Variants in HPSE2 observed in about 807,000 individuals in gnomAD.
The protein encoded by HPSE2 is heparanase 2 (inactive), also known as inactive heparanase-2.
Under a neutral mutation model 60.5 loss-of-function variants are expected in HPSE2, and 38 were observed. That is an observed-to-expected ratio of 0.63 (90% confidence interval 0.48 to 0.82). The LOEUF (loss-of-function observed/expected upper bound fraction) is 0.82. Among genes scored for constraint, HPSE2 ranks in the 40% least tolerant of loss-of-function variants. The probability of loss-of-function intolerance (pLI) is 0.00; values close to 1 mark genes in which losing one functional copy is unlikely to be tolerated. For synonymous variants in HPSE2, 295 were observed against 293.2 expected, an observed-to-expected ratio of 1.01 and a Z score of -0.06; for missense variants, 713 against 740.4, an observed-to-expected ratio of 0.96 and a Z score of 0.43.
At chr10:98,534,694 C>T (rs1014070264) in intron 9 of HPSE2, among the ~76,000 whole-genome samples, 7 of 152,186 alleles carry the variant, frequency 4.6e-5, no homozygotes, top group African/African-American at 9.6e-5. Flanking sequence ...CATGAACCAC[C>T]GTACCCAGCC....
chr10:99,022,467 C>G (rs1279834133), intron 3 of HPSE2, among the ~76,000 whole-genome samples: 1 of 152,100 alleles, frequency 6.6e-6, no homozygotes, highest in Admixed American at 6.5e-5. Flanking sequence ...AAACTAGGCC[C>G]AGACACAGTG....
At chr10:99,284,499 C>T in the HPSE2 span, among the ~76,000 whole-genome samples, 1 of 152,112 alleles carries the variant, frequency 6.6e-6, no homozygotes, top group Non-Finnish European at 1.5e-5. Context: ...TGATCAAAGA[C>T]CTAAAATTAA....
At chr10:99,002,880 A>G (rs2487882) in intron 3 of HPSE2, among the ~76,000 whole-genome samples, 5 of 151,992 alleles carry the variant, frequency 3.3e-5, no homozygotes, top group African/African-American at 9.7e-5. Flanking sequence ...TCACATACCT[A>G]TCTTTTTTGT....
At chr10:99,145,530 A>T (rs553634901) in intron 2 of HPSE2, among the ~76,000 whole-genome samples, 82 of 152,154 alleles carry the variant, frequency 5.4e-4, no homozygotes, top group African/African-American at 1.8e-3. Flanking sequence ...TTATTTATTA[A>T]TTTTTTACAA....
chr10:98,983,137 C>T (rs952828107), intron 3 of HPSE2, among the ~76,000 whole-genome samples: 11 of 152,190 alleles, frequency 7.2e-5, no homozygotes, highest in East Asian at 3.9e-4. Flanking sequence ...AACTGGAAGG[C>T]AGGGGATGGT....
At chr10:99,188,409 C>T (rs375713014) in intron 2 of HPSE2, among the ~76,000 whole-genome samples, 12 of 152,178 alleles carry the variant, frequency 7.9e-5, no homozygotes, top group African/African-American at 2.9e-4. Context: ...TAAAAATTGG[C>T]AAATTTTACC....
intron 2 of HPSE2, among the ~76,000 whole-genome samples, chr10:99,202,203 TATACTC>T (rs1281313921): frequency 2.6e-5 from 4 of 152,312 alleles, no homozygotes; most frequent in Non-Finnish European, 5.9e-5. Context: ...AACACCATGA[TATACTC>T]AAGAGCAGAG....
At chr10:98,807,178 T>C (rs1422853768) in intron 3 of HPSE2, among the ~76,000 whole-genome samples, 1 of 152,126 alleles carries the variant, frequency 6.6e-6, no homozygotes, top group Non-Finnish European at 1.5e-5. Context: ...TTAATGAATC[T>C]CAAATACGCA....
chr10:98,985,694 G>A (rs1220407242), intron 3 of HPSE2, among the ~76,000 whole-genome samples: 1 of 152,076 alleles, frequency 6.6e-6, no homozygotes, highest in African/African-American at 2.4e-5. Flanking sequence ...GACACAGACT[G>A]GCAAATTGGA....
intron 3 of HPSE2, among the ~76,000 whole-genome samples, chr10:98,998,693 G>T (rs532453267): frequency 6.6e-6 from 1 of 152,256 alleles, no homozygotes; most frequent in South Asian, 2.1e-4. Flanking sequence ...TTTGTATCTT[G>T]AATTTCCATG....
chr10:99,296,095 T>G, the HPSE2 span, among the ~76,000 whole-genome samples: 1 of 152,218 alleles, frequency 6.6e-6, no homozygotes, highest in East Asian at 1.9e-4. Context: ...TCAATAGCTA[T>G]TTTGAAGTTT....
chr10:98,978,078 G>A (rs1956126459), intron 3 of HPSE2, among the ~76,000 whole-genome samples: 1 of 151,952 alleles, frequency 6.6e-6, no homozygotes, highest in Non-Finnish European at 1.5e-5. Flanking sequence ...CTAGTACAAG[G>A]TAGAGCCAGG....
intron 3 of HPSE2, among the ~76,000 whole-genome samples, chr10:99,083,996 T>G (rs1405481824): frequency 8.4e-6 from 1 of 119,016 alleles, no homozygotes; most frequent in Non-Finnish European, 1.7e-5. Flanking sequence ...TTTTTTTAAG[T>G]AACTGCCCAG....
At chr10:98,673,459 T>C (rs546526512) in intron 6 of HPSE2, among the ~76,000 whole-genome samples, 1 of 152,346 alleles carries the variant, frequency 6.6e-6, no homozygotes, top group East Asian at 1.9e-4. Context: ...TCTTGTCTTC[T>C]GCTCATCAGA....
chr10:99,309,028 A>AT, the HPSE2 span, among the ~76,000 whole-genome samples: 61 of 150,380 alleles, frequency 4.1e-4, 1 homozygote, highest in East Asian at 4.7e-3. Context: ...AGAGAGCTGT[A>AT]TTTTTTTTTT....
intron 2 of HPSE2, among the ~76,000 whole-genome samples, chr10:99,198,826 C>A (rs1295225616): frequency 6.6e-6 from 1 of 152,120 alleles, no homozygotes; most frequent in East Asian, 1.9e-4. Context: ...TTTATACCCA[C>A]TGGATAATAA....
chr10:98,781,071 C>A (rs1027329453), intron 3 of HPSE2, among the ~76,000 whole-genome samples: 1 of 151,982 alleles, frequency 6.6e-6, no homozygotes, highest in Non-Finnish European at 1.5e-5. Context: ...TGTAGGAAGC[C>A]TGGAATCCTG....
intron 9 of HPSE2, among the ~76,000 whole-genome samples, chr10:98,544,201 G>T (rs1159120778): frequency 6.6e-6 from 1 of 152,152 alleles, no homozygotes; most frequent in East Asian, 1.9e-4. Context: ...CAAGTACATG[G>T]AAGCTGAACA....
chr10:98,968,035 T>C (rs114534814), intron 3 of HPSE2, among the ~76,000 whole-genome samples: 2,033 of 151,692 alleles, frequency 0.013, 37 homozygotes, highest in African/African-American at 0.046. Flanking sequence ...ATCATAGACT[T>C]CCCCCTCCCT....
Sources: gnomAD v4.1 joint callset for allele counts (sites outside exome capture counted in the v4.1 genomes callset) on GRCh38, gnomAD v4.1.1 for gene constraint, MANE v1.5 for transcripts, NCBI Gene and HGNC (gene_info 2026-07-23, HGNC 2026-07-21) for gene names.